HEMK2: variants seen among roughly 807,000 people sequenced by gnomAD.
HEMK2 encodes HemK methyltransferase 2, ETF1 glutamine and histone H4 lysine.
At chr21:28,803,245 C>G in the HEMK2 span, among the ~76,000 whole-genome samples, 7 of 152,174 alleles carry the variant, frequency 4.6e-5, no homozygotes, top group Non-Finnish European at 8.8e-5. Flanking sequence ...AGCAATTAAC[C>G]TGAATATATA....
At chr21:28,753,001 T>C in the HEMK2 span, among the ~76,000 whole-genome samples, 207 of 152,256 alleles carry the variant, frequency 1.4e-3, 1 homozygote, top group African/African-American at 4.9e-3. Flanking sequence ...TGAAGAACCA[T>C]TATTGTTAAG....
At chr21:28,608,247 A>C in the HEMK2 span, among the ~76,000 whole-genome samples, 1 of 152,204 alleles carries the variant, frequency 6.6e-6, no homozygotes, top group African/African-American at 2.4e-5. Context: ...CTTTCAACCA[A>C]AACCCAAGTC....
At chr21:28,657,391 T>C in the HEMK2 span, among the ~76,000 whole-genome samples, 1 of 152,078 alleles carries the variant, frequency 6.6e-6, no homozygotes, top group East Asian at 1.9e-4. Flanking sequence ...TTACCTAAAT[T>C]ATGCCAAGAG....
chr21:28,734,560 T>C, the HEMK2 span, among the ~76,000 whole-genome samples: 1 of 152,314 alleles, frequency 6.6e-6, no homozygotes, highest in South Asian at 2.1e-4. Flanking sequence ...TATAAATGAA[T>C]TGTTTTTACA....
At chr21:28,682,713 T>C in the HEMK2 span, among the ~76,000 whole-genome samples, 1 of 152,102 alleles carries the variant, frequency 6.6e-6, no homozygotes, top group Non-Finnish European at 1.5e-5. Flanking sequence ...CATGGAATAC[T>C]ATGCAGCCAT....
chr21:28,677,490 A>C, the HEMK2 span, among the ~76,000 whole-genome samples: 1 of 152,196 alleles, frequency 6.6e-6, no homozygotes, highest in Admixed American at 6.5e-5. Flanking sequence ...AGCCAAACAA[A>C]AGGCAGCAGT....
At chr21:28,694,303 G>A in the HEMK2 span, among the ~76,000 whole-genome samples, 1 of 152,184 alleles carries the variant, frequency 6.6e-6, no homozygotes, top group African/African-American at 2.4e-5. Context: ...TTGCAGGAAT[G>A]TCTTATAAGT....
At chr21:28,839,204 C>T in the HEMK2 span, among the ~76,000 whole-genome samples, 1 of 151,536 alleles carries the variant, frequency 6.6e-6, no homozygotes, top group Admixed American at 6.6e-5. Flanking sequence ...ACAAAATCAG[C>T]ATACAAGGGA....
chr21:28,724,086 C>T, the HEMK2 span, among the ~76,000 whole-genome samples: 1 of 152,202 alleles, frequency 6.6e-6, no homozygotes, highest in African/African-American at 2.4e-5. Context: ...AGGAACCACC[C>T]AAGAGAGATC....
the HEMK2 span, among the ~76,000 whole-genome samples, chr21:28,658,910 C>T: frequency 1.7e-3 from 256 of 152,086 alleles, 3 homozygotes; most frequent in Middle Eastern, 6.8e-3. Context: ...TCGATTCTGC[C>T]CTCCAATATA....
chr21:28,603,709 GGTT>G, the HEMK2 span, among the ~76,000 whole-genome samples: 2 of 152,012 alleles, frequency 1.3e-5, no homozygotes, highest in African/African-American at 4.8e-5. Flanking sequence ...TCTTTTCCTG[GGTT>G]GTTTTCTGAA....
chr21:28,593,014 G>A, the HEMK2 span, among the ~76,000 whole-genome samples: 1 of 152,084 alleles, frequency 6.6e-6, no homozygotes, highest in Non-Finnish European at 1.5e-5. Context: ...AACAAACTTT[G>A]TTTCATGTAA....
the HEMK2 span, among the ~76,000 whole-genome samples, chr21:28,784,840 C>T: frequency 6.6e-6 from 1 of 152,212 alleles, no homozygotes; most frequent in Non-Finnish European, 1.5e-5. Flanking sequence ...AGTGGCAACC[C>T]ACTCAGATCC....
At chr21:28,795,579 TA>T in the HEMK2 span, among the ~76,000 whole-genome samples, 2 of 152,150 alleles carry the variant, frequency 1.3e-5, no homozygotes, top group Non-Finnish European at 2.9e-5. Context: ...GGTGAACAGA[TA>T]AAAGGTACAG....
chr21:28,845,544 T>C, the HEMK2 span, among the ~76,000 whole-genome samples: 1 of 152,146 alleles, frequency 6.6e-6, no homozygotes, highest in Non-Finnish European at 1.5e-5. Flanking sequence ...TTCTTAAGTA[T>C]TTCTATTCAA....
At chr21:28,826,161 C>A in the HEMK2 span, among the ~76,000 whole-genome samples, 2 of 152,202 alleles carry the variant, frequency 1.3e-5, no homozygotes, top group East Asian at 3.8e-4. Flanking sequence ...CAGAACCATC[C>A]AGACACCCCG....
At chr21:28,831,765 A>AAGAAAGAAAGAAAGAAAGAAAG in the HEMK2 span, among the ~76,000 whole-genome samples, 3 of 150,370 alleles carry the variant, frequency 2.0e-5, no homozygotes, top group South Asian at 2.1e-4. Context: ...GAAAGAAAGA[A>AAGAAAGAAAGAAAGAAAGAAAG]AGAAAGAAAC....
the HEMK2 span, among the ~76,000 whole-genome samples, chr21:28,838,927 G>A: frequency 5.9e-5 from 5 of 84,474 alleles, no homozygotes; most frequent in East Asian, 7.6e-4. Context: ...CAACAAGAGC[G>A]AAACTCTGAA....
the HEMK2 span, among the ~76,000 whole-genome samples, chr21:28,779,941 T>C: frequency 6.6e-6 from 1 of 152,164 alleles, no homozygotes; most frequent in African/African-American, 2.4e-5. Flanking sequence ...ATTTCTTTTG[T>C]TGCTACATTA....
Sources: gnomAD v4.1 joint callset for allele counts (sites outside exome capture counted in the v4.1 genomes callset) on GRCh38, gnomAD v4.1.1 for gene constraint, MANE v1.5 for transcripts, NCBI Gene and HGNC (gene_info 2026-07-23, HGNC 2026-07-21) for gene names.